The following DIP2C variants were observed in gnomAD, a reference collection of about 807,000 sequenced individuals.
DIP2C encodes disco-interacting protein 2 homolog C.
In DIP2C, 33 loss-of-function variants were observed where a neutral mutation model predicts 192.4. The ratio of observed to expected loss-of-function variants is 0.17; its 90% CI spans 0.13 to 0.23. The LOEUF is 0.23. DIP2C is among the 10% of genes least tolerant of loss of function. The pLI is 1.00. For synonymous variants in DIP2C, 979 were observed against 864.1 expected (o/e 1.13, Z -2.33); for missense variants, 1,537 against 2,110.1 (o/e 0.73, Z 5.32).
intron 10 of DIP2C, among the ~76,000 whole-genome samples, chr10:396,065 G>T (rs1963964767): frequency 6.6e-6 from 1 of 152,152 alleles, no homozygotes; most frequent in Non-Finnish European, 1.5e-5. Flanking sequence ...TCCTCCTGTG[G>T]GAGAGGAAAA....
chr10:510,174 G>T (rs1472559643), intron 1 of DIP2C, among the ~76,000 whole-genome samples: 1 of 152,338 alleles, frequency 6.6e-6, no homozygotes, highest in African/African-American at 2.4e-5. Flanking sequence ...GGTCCTGGGG[G>T]CTACCCCACT....
chr10:463,719 C>T (rs1969977834), intron 3 of DIP2C, among the ~76,000 whole-genome samples: 1 of 152,138 alleles, frequency 6.6e-6, no homozygotes, highest in Admixed American at 6.5e-5. Flanking sequence ...AAGCTGGAGG[C>T]ATCACACTAC....
intron 3 of DIP2C, among the ~76,000 whole-genome samples, chr10:456,682 G>A (rs570221959): frequency 3.1e-4 from 47 of 152,278 alleles, no homozygotes; most frequent in Admixed American, 1.8e-3. Context: ...ACCTGTCCAC[G>A]GCCACCGTTT....
chr10:325,225 A>G (rs3123238), intron 31 of DIP2C, among the ~76,000 whole-genome samples: 1,698 of 152,266 alleles, frequency 0.011, 26 homozygotes, highest in African/African-American at 0.039. Flanking sequence ...AGATCACGGC[A>G]ATGCACTCCA....
At chr10:315,066 C>T (rs889887043) in intron 31 of DIP2C, among the ~76,000 whole-genome samples, 4 of 152,174 alleles carry the variant, frequency 2.6e-5, no homozygotes, top group Non-Finnish European at 5.9e-5. Flanking sequence ...ACTTTACCCT[C>T]TGTGTATTTT....
chr10:679,723 C>T (rs1221248630), intron 1 of DIP2C, among the ~76,000 whole-genome samples: 2 of 149,596 alleles, frequency 1.3e-5, no homozygotes, highest in Admixed American at 6.7e-5. Flanking sequence ...TCCCTGCATC[C>T]GTCCTCCCCA....
intron 14 of DIP2C, among the ~76,000 whole-genome samples, chr10:386,608 G>A (rs1002785185): frequency 1.4e-4 from 21 of 152,324 alleles, no homozygotes; most frequent in Middle Eastern, 3.4e-3. Flanking sequence ...TGTGTAACAC[G>A]GAAAGAAGCC....
At chr10:367,087 G>A (rs1221084713) in intron 18 of DIP2C, among the ~76,000 whole-genome samples, 1 of 152,196 alleles carries the variant, frequency 6.6e-6, no homozygotes, top group Non-Finnish European at 1.5e-5. Flanking sequence ...CTGGAGTACA[G>A]AACAGTGGAA....
At chr10:491,110 C>T (rs1273904950) in intron 1 of DIP2C, among the ~76,000 whole-genome samples, 3 of 152,338 alleles carry the variant, frequency 2.0e-5, no homozygotes, top group African/African-American at 2.4e-5. Flanking sequence ...AGGCACGCAC[C>T]AGCCAATCTG....
chr10:317,563 G>C lies in DIP2C; in HGVS notation c.3925-7471C>G, dbSNP rs541971666. Among the ~76,000 whole-genome samples the C allele has an allele frequency of 2.6e-5, 4 of 152,322 alleles. No homozygotes were observed. The East Asian group carries it at 7.7e-4, about 29-fold the overall frequency. On this transcript the variant is annotated intron_variant, in intron 31 of 36. Transcript: ENST00000280886. ...ACTTACTGAGTGAATGATGAACTCA[G>C]ATTCTTGCTTTTTGGTTCAAGACAT... is the stretch of plus-strand genomic sequence containing the variant.
At chr10:344,712 A>T (rs1367894203) in intron 28 of DIP2C, 97 bp downstream of exon 28, 3 of 977,166 alleles carry the variant, frequency 3.1e-6, no homozygotes, top group Non-Finnish European at 4.7e-6. Flanking sequence ...TCTCAGTCTG[A>T]CTACACGAGA....
chr10:474,818 A>G (rs891976942), intron 2 of DIP2C, among the ~76,000 whole-genome samples: 1 of 152,132 alleles, frequency 6.6e-6, no homozygotes, highest in African/African-American at 2.4e-5. Flanking sequence ...GTTAAACTTC[A>G]CTCTGATGCT....
At chr10:283,935 A>G (rs1280031247) in intron 34 of DIP2C, among the ~76,000 whole-genome samples, 4 of 152,248 alleles carry the variant, frequency 2.6e-5, no homozygotes, top group East Asian at 3.8e-4. Context: ...CATAACACCA[A>G]AAACCGGAAA....
At chr10:482,370 G>A (rs996267583) in intron 2 of DIP2C, among the ~76,000 whole-genome samples, 1 of 152,212 alleles carries the variant, frequency 6.6e-6, no homozygotes, top group African/African-American at 2.4e-5. Context: ...TTCCTGGAGA[G>A]GCTGCTCACG....
intron 28 of DIP2C, among the ~76,000 whole-genome samples, chr10:344,187 C>T (rs1341289631): frequency 6.6e-6 from 1 of 152,194 alleles, no homozygotes; most frequent in Non-Finnish European, 1.5e-5. Flanking sequence ...GTAAGTAAAT[C>T]ATCTTGATCT....
At chr10:327,242 C>G in intron 30 of DIP2C, 66 bp from the exon 31 acceptor site, 1 of 1,537,580 alleles carries the variant, frequency 6.5e-7, no homozygotes, top group South Asian at 1.2e-5. Flanking sequence ...GCCAGAGACT[C>G]CTTCCCACAG....
intron 1 of DIP2C, among the ~76,000 whole-genome samples, chr10:588,888 G>A (rs979886310): frequency 2.0e-5 from 3 of 152,170 alleles, no homozygotes; most frequent in Non-Finnish European, 2.9e-5. Context: ...GGGTCACCGG[G>A]CCCCACGTTT....
At position 384,580 on chromosome 10, in the gene DIP2C, A is replaced by T. The variant is rs752481969; in HGVS notation, c.1722T>A (p.Pro574=). Reference sequence around the variant, plus strand: ...GGCAGACCTTCTGGATCCAGGAGAGAGGGTTCACCTTCATCAGCGAGTACG... The same window carrying T: ...GGCAGACCTTCTGGATCCAGGAGAGTGGGTTCACCTTCATCAGCGAGTACG... ...SIPYSLMKVN[P]LSWIQKVCQY... Residue 574 remains proline, a synonymous_variant, in exon 15 of 37, where the codon CCT becomes CCA. Transcript: ENST00000280886. 2.2e-5 allele frequency: 35 copies of T among 1,613,784 alleles called. No homozygotes were observed. The South Asian group carries it at 3.3e-4, about 15-fold the overall frequency.
chr10:532,781 G>C (rs890489045), intron 1 of DIP2C, among the ~76,000 whole-genome samples: 7 of 151,852 alleles, frequency 4.6e-5, no homozygotes, highest in African/African-American at 1.7e-4. Flanking sequence ...GTGTGTGAGA[G>C]AGTATGGGTG....
Sources: allele counts gnomAD v4.1 joint callset (sites outside exome capture counted in the v4.1 genomes callset), GRCh38; gene constraint gnomAD v4.1.1; transcripts MANE v1.5; gene names NCBI Gene and HGNC (gene_info 2026-07-23, HGNC 2026-07-21).